The following STARD13 variants were observed in gnomAD, a reference collection of about 807,000 sequenced individuals.
STARD13 encodes the protein stAR-related lipid transfer protein 13.
A neutral mutation model predicts 106.4 loss-of-function variants in STARD13; 62 were observed. The observed-to-expected ratio is 0.58, with a 90% CI of 0.48 to 0.72. The LOEUF is 0.72. Among genes scored for constraint, STARD13 ranks in the 30% least tolerant of loss-of-function variants. The pLI, the probability that STARD13 is intolerant of heterozygous loss-of-function variation, is 0.00. For synonymous variants in STARD13, 565 were observed against 553.0 expected (o/e 1.02, Z -0.31); for missense variants, 1,387 against 1,424.0 (o/e 0.97, Z 0.42).
the STARD13 span, among the ~76,000 whole-genome samples, chr13:33,606,614 C>G: frequency 1.3e-5 from 2 of 152,154 alleles, no homozygotes; most frequent in African/African-American, 2.4e-5. Context: ...ATCTCAAAAG[C>G]TTTGATATGT....
the STARD13 span, among the ~76,000 whole-genome samples, chr13:33,645,063 G>A: frequency 5.9e-5 from 9 of 152,054 alleles, no homozygotes; most frequent in Non-Finnish European, 1.2e-4. Flanking sequence ...CTCTTGCAAC[G>A]TGACCTCGCC....
At chr13:33,113,322 G>T in intron 8 of STARD13, 1 of 367,842 alleles carries the variant, frequency 2.7e-6, no homozygotes, top group Non-Finnish European at 5.3e-6. Context: ...CTCCCTGACA[G>T]ACAGCTTGGG....
At chr13:33,242,113 G>A (rs367649768) in intron 1 of STARD13, among the ~76,000 whole-genome samples, 10 of 151,778 alleles carry the variant, frequency 6.6e-5, no homozygotes, top group African/African-American at 1.2e-4. Context: ...CTGCCCCGCC[G>A]CCACCCCATC....
At chr13:33,399,153 G>T in the STARD13 span, among the ~76,000 whole-genome samples, 35 of 151,978 alleles carry the variant, frequency 2.3e-4, no homozygotes, top group Middle Eastern at 3.4e-3. Flanking sequence ...TATTATTCAG[G>T]CATAAAAAAG....
At chr13:33,124,047 T>C (rs1876775725) in intron 7 of STARD13, among the ~76,000 whole-genome samples, 1 of 152,212 alleles carries the variant, frequency 6.6e-6, no homozygotes, top group African/African-American at 2.4e-5. Flanking sequence ...ATTCGTTTGG[T>C]GTTGCTCTCC....
At chr13:33,211,996 C>T (rs544258031) in intron 1 of STARD13, among the ~76,000 whole-genome samples, 6 of 152,328 alleles carry the variant, frequency 3.9e-5, no homozygotes, top group Admixed American at 3.9e-4. Flanking sequence ...CTCAGACTTA[C>T]TCTGTTCATT....
intron 1 of STARD13, among the ~76,000 whole-genome samples, chr13:33,198,174 A>G (rs1249785822): frequency 6.6e-6 from 1 of 152,250 alleles, no homozygotes; most frequent in Non-Finnish European, 1.5e-5. Flanking sequence ...TCTCAAAAAA[A>G]CAAAACAAAA....
intron 1 of STARD13, among the ~76,000 whole-genome samples, chr13:33,243,379 GTATGACCAATCCCACAA>G (rs1278764324): frequency 2.0e-5 from 3 of 152,172 alleles, no homozygotes; most frequent in Non-Finnish European, 4.4e-5. Flanking sequence ...TCCTGCCAGT[GTATGACCAATCCCACAA>G]CCTGTGAGGA....
chr13:33,267,471 C>T (rs1438119711), intron 1 of STARD13, among the ~76,000 whole-genome samples: 3 of 152,288 alleles, frequency 2.0e-5, no homozygotes, highest in Admixed American at 6.5e-5. Flanking sequence ...TGTCCGTTCC[C>T]GCACCTATGA....
chr13:33,275,117 G>A (rs1891356674), intron 1 of STARD13, among the ~76,000 whole-genome samples: 2 of 152,134 alleles, frequency 1.3e-5, no homozygotes, highest in South Asian at 2.1e-4. Context: ...CCAGTTCAGG[G>A]CAACTTGAGA....
the STARD13 span, among the ~76,000 whole-genome samples, chr13:33,463,962 G>T: frequency 1.3e-5 from 2 of 150,536 alleles, no homozygotes; most frequent in Non-Finnish European, 3.0e-5. Flanking sequence ...AGTGAGCAGA[G>T]ATCGTGCCAT....
the STARD13 span, among the ~76,000 whole-genome samples, chr13:33,545,586 A>C: frequency 6.6e-6 from 1 of 152,206 alleles, no homozygotes; most frequent in East Asian, 1.9e-4. Flanking sequence ...TTTGATCCCC[A>C]GTGTTGGAGG....
chr13:33,392,131 T>C, the STARD13 span, among the ~76,000 whole-genome samples: 273 of 152,232 alleles, frequency 1.8e-3, 4 homozygotes, highest in African/African-American at 6.4e-3. Flanking sequence ...CAATTATTAA[T>C]CAGAAGTTAA....
intron 1 of STARD13, among the ~76,000 whole-genome samples, chr13:33,254,459 G>C (rs1890239085): frequency 2.0e-5 from 3 of 152,206 alleles, no homozygotes; most frequent in African/African-American, 7.2e-5. Flanking sequence ...GCATTTGAAA[G>C]TATTCTGTTG....
At chr13:33,304,879 T>C (rs1594241191) in intron 1 of STARD13, among the ~76,000 whole-genome samples, 1 of 152,304 alleles carries the variant, frequency 6.6e-6, no homozygotes, top group East Asian at 1.9e-4. Flanking sequence ...GATTTACTGA[T>C]CATCTACCAT....
At chr13:33,655,749 T>C in the STARD13 span, among the ~76,000 whole-genome samples, 1 of 152,164 alleles carries the variant, frequency 6.6e-6, no homozygotes, top group Non-Finnish European at 1.5e-5. Flanking sequence ...GATGAATGAA[T>C]TCACAAATGC....
At chr13:33,266,247 ATCAATGGTACTTCC>A (rs1239821426) in intron 1 of STARD13, among the ~76,000 whole-genome samples, 1 of 152,256 alleles carries the variant, frequency 6.6e-6, no homozygotes, top group African/African-American at 2.4e-5. Context: ...AAATGGGAAC[ATCAATGGTACTTCC>A]TCTTCTGAGG....
the STARD13 span, among the ~76,000 whole-genome samples, chr13:33,550,986 T>C: frequency 2.8e-4 from 42 of 152,354 alleles, no homozygotes; most frequent in African/African-American, 9.4e-4. Context: ...TATAGATAAG[T>C]ATAAATGCTT....
chr13:33,193,156 A>G (rs1396768604), intron 1 of STARD13, among the ~76,000 whole-genome samples: 1 of 152,356 alleles, frequency 6.6e-6, no homozygotes, highest in Admixed American at 6.5e-5. Context: ...AATTCCTCAC[A>G]TAATTTCTTC....
Sources: gnomAD v4.1 joint callset for allele counts (sites outside exome capture counted in the v4.1 genomes callset) on GRCh38, gnomAD v4.1.1 for gene constraint, MANE v1.5 for transcripts, NCBI Gene and HGNC (gene_info 2026-07-23, HGNC 2026-07-21) for gene names.